The following SOX5 variants were observed in gnomAD, a reference collection of about 807,000 sequenced individuals.
The protein encoded by SOX5 is SRY-box transcription factor 5.
Under a neutral mutation model 92.0 loss-of-function variants are expected in SOX5, and 9 were observed. The ratio of observed to expected loss-of-function variants is 0.10; its 90% CI spans 0.06 to 0.17. The LOEUF (loss-of-function observed/expected upper bound fraction) is 0.17. Ranked by LOEUF, SOX5 falls within the 10% of genes least tolerant of loss-of-function variation. SOX5 has a pLI of 1.00. For synonymous variants in SOX5, 344 were observed against 336.3 expected (o/e 1.02, Z -0.25); for missense variants, 642 against 944.5 (o/e 0.68, Z 4.20).
chr12:23,712,593 C>T (rs1286450407), intron 6 of SOX5, among the ~76,000 whole-genome samples: 2 of 152,142 alleles, frequency 1.3e-5, no homozygotes, highest in Non-Finnish European at 2.9e-5. Flanking sequence ...AAGTAGACCT[C>T]AGAAAGATTA....
At chr12:23,926,672 AT>A (rs1438334153) in intron 1 of SOX5, among the ~76,000 whole-genome samples, 3 of 152,002 alleles carry the variant, frequency 2.0e-5, no homozygotes, top group African/African-American at 7.2e-5. Context: ...TGACACATAC[AT>A]TTTTGTCCTA....
Position 24,286,517 on chromosome 12 carries a change from T to C in SOX5, c.-173-9205A>G, listed in dbSNP as rs113344683. ...TAGATATATTGTCTCATGCTCCAGA[T>C]GAAAGAACAAGAGTTTTTTAAATAT... On this transcript the variant is annotated intron_variant, in intron 2 of 4. Coordinates refer to the SOX5 transcript ENST00000446891. Among the ~76,000 whole-genome samples, 858 of 152,210 alleles carry C rather than the reference T, an allele frequency of 5.6e-3. 8 individuals carry two copies. The highest frequency in any genetic ancestry group is 0.02 in the African/African-American group (816 of 41,532).
In SOX5 at chr12:24,454,144, C is replaced by T. The variant is rs572002137; in HGVS notation, c.-250-85505G>A. Among the ~76,000 whole-genome samples, 3 of 152,280 alleles carry T rather than the reference C, an allele frequency of 2.0e-5. No individual in the cohort carries two copies. The South Asian group carries it at 6.2e-4, about 32-fold the overall frequency. ...TAATTTCCCACCAAAAATGCACCTG[C>T]TTAAGTATTCCGTGAATAAACCTGA... On this transcript the variant is annotated intron_variant, in intron 1 of 4. Coordinates refer to the SOX5 transcript ENST00000446891.
intron 1 of SOX5, among the ~76,000 whole-genome samples, chr12:24,525,519 G>A (rs1410046577): frequency 6.6e-6 from 1 of 152,108 alleles, no homozygotes; most frequent in Non-Finnish European, 1.5e-5. Flanking sequence ...TAAGAGGGTA[G>A]ATATCATGTT....
At chr12:23,999,660 T>TA (rs1321198771) in intron 4 of SOX5, among the ~76,000 whole-genome samples, 16 of 152,030 alleles carry the variant, frequency 1.1e-4, no homozygotes, top group Non-Finnish European at 2.4e-4. Flanking sequence ...TCTTTTACTT[T>TA]AAAAAATTGT....
chr12:23,808,887 A>C (rs2095827610), intron 3 of SOX5, among the ~76,000 whole-genome samples: 1 of 152,140 alleles, frequency 6.6e-6, no homozygotes. Flanking sequence ...AGGTTTGAGA[A>C]TATCTTAATA....
chr12:23,854,991 A>G (rs1011278619), intron 2 of SOX5, among the ~76,000 whole-genome samples: 22 of 152,102 alleles, frequency 1.4e-4, no homozygotes, highest in African/African-American at 5.3e-4. Context: ...GTTTGTTAAA[A>G]TAAGTGTGCT....
chr12:24,277,583 T>C (rs1229213438), intron 2 of SOX5, among the ~76,000 whole-genome samples: 2 of 147,898 alleles, frequency 1.4e-5, no homozygotes, highest in African/African-American at 4.9e-5. Flanking sequence ...TAAATATATA[T>C]TTAAATGTAA....
chr12:23,950,582 A>T (rs1595867745), upstream of SOX5, among the ~76,000 whole-genome samples: 1 of 152,198 alleles, frequency 6.6e-6, no homozygotes, highest in Admixed American at 6.5e-5. Context: ...ACATAAAAAC[A>T]AAAAGACGGT....
chr12:24,234,049 G>A (rs1297596404), intron 3 of SOX5, among the ~76,000 whole-genome samples: 4 of 152,172 alleles, frequency 2.6e-5, no homozygotes, highest in Non-Finnish European at 4.4e-5. Context: ...CACGGAATCC[G>A]AGGCCAACTT....
At chr12:23,662,168 T>TAGAG (rs973601766) in intron 7 of SOX5, among the ~76,000 whole-genome samples, 4 of 151,310 alleles carry the variant, frequency 2.6e-5, no homozygotes, top group African/African-American at 9.7e-5. Flanking sequence ...CATATATATA[T>TAGAG]ATAGAGAGAG....
At chr12:23,618,911 A>G (rs2076866531) in intron 8 of SOX5, among the ~76,000 whole-genome samples, 1 of 152,178 alleles carries the variant, frequency 6.6e-6, no homozygotes, top group African/African-American at 2.4e-5. Flanking sequence ...CTGAACTCTG[A>G]GTCAAAAATA....
intron 4 of SOX5, among the ~76,000 whole-genome samples, chr12:24,085,072 A>G (rs1943805696): frequency 6.8e-6 from 1 of 145,990 alleles, no homozygotes; most frequent in Non-Finnish European, 1.5e-5. Flanking sequence ...CTGAAAAAAG[A>G]GGGCGCATGT....
intron 4 of SOX5, among the ~76,000 whole-genome samples, chr12:24,190,055 A>C (rs190358916): frequency 6.6e-6 from 1 of 152,250 alleles, no homozygotes; most frequent in Non-Finnish European, 1.5e-5. Context: ...AAATAAAAAA[A>C]GTTTCATGTA....
chr12:24,208,507 C>A (rs36102915), intron 4 of SOX5, among the ~76,000 whole-genome samples: 1 of 152,314 alleles, frequency 6.6e-6, no homozygotes, highest in Non-Finnish European at 1.5e-5. Flanking sequence ...CCTTGGCAAT[C>A]TTCCCACTGT....
chr12:24,075,211 G>C (rs1339532402), intron 4 of SOX5, among the ~76,000 whole-genome samples: 2 of 145,756 alleles, frequency 1.4e-5, no homozygotes, highest in Non-Finnish European at 1.5e-5. Flanking sequence ...TGAGGCTTCA[G>C]TGAGCTATGA....
intron 4 of SOX5, among the ~76,000 whole-genome samples, chr12:24,118,191 G>A (rs1361445167): frequency 6.6e-6 from 1 of 152,064 alleles, no homozygotes; most frequent in African/African-American, 2.4e-5. Flanking sequence ...CTTTTGCACT[G>A]CATGGTGACC....
chr12:23,642,641 T>C (rs2080227019), intron 7 of SOX5, among the ~76,000 whole-genome samples: 1 of 152,200 alleles, frequency 6.6e-6, no homozygotes, highest in African/African-American at 2.4e-5. Context: ...TGCCAGATTA[T>C]GTGTGATTTC....
intron 1 of SOX5, among the ~76,000 whole-genome samples, chr12:23,930,260 T>C (rs1198872988): frequency 6.6e-6 from 1 of 151,844 alleles, no homozygotes; most frequent in Non-Finnish European, 1.5e-5. Context: ...TTCAAACCCA[T>C]TTAAAATTTA....
Sources: gnomAD v4.1 joint callset for allele counts (sites outside exome capture counted in the v4.1 genomes callset) on GRCh38, gnomAD v4.1.1 for gene constraint, MANE v1.5 for transcripts, NCBI Gene and HGNC (gene_info 2026-07-23, HGNC 2026-07-21) for gene names.